MARCHF3: variants seen among roughly 807,000 people sequenced by gnomAD.
The protein encoded by MARCHF3 is membrane associated ring-CH-type finger 3, also known as E3 ubiquitin-protein ligase MARCHF3.
In MARCHF3, 13 loss-of-function variants were observed where a neutral mutation model predicts 24.2. The observed-to-expected ratio is 0.54, with a 90% confidence interval of 0.35 to 0.85. The LOEUF is 0.85. Ranked by LOEUF, MARCHF3 falls within the 40% of genes least tolerant of loss-of-function variation. The pLI is 0.01. For synonymous variants in MARCHF3, 144 were observed against 137.3 expected, an observed-to-expected ratio of 1.05 and a Z score of -0.34; for missense variants, 276 against 325.0, an observed-to-expected ratio of 0.85 and a Z score of 1.16.
At chr5:126,916,875 C>T (rs912432887) in intron 2 of MARCHF3, among the ~76,000 whole-genome samples, 19 of 152,182 alleles carry the variant, frequency 1.2e-4, no homozygotes, top group African/African-American at 4.6e-4. Context: ...CTGCCTCATC[C>T]TGTTCTGAGT....
intron 1 of MARCHF3, among the ~76,000 whole-genome samples, chr5:126,959,793 G>A (rs956161777): frequency 6.6e-6 from 1 of 152,106 alleles, no homozygotes; most frequent in Non-Finnish European, 1.5e-5. Context: ...TCTTAAAGCC[G>A]TAATTACTAT....
chr5:127,021,316 C>T (rs948941097), intron 1 of MARCHF3, among the ~76,000 whole-genome samples: 1 of 152,064 alleles, frequency 6.6e-6, no homozygotes, highest in Non-Finnish European at 1.5e-5. Context: ...TCTAGTGGTT[C>T]ACAACATGCA....
At chr5:126,876,549 A>G (rs1018628185) in intron 4 of MARCHF3, among the ~76,000 whole-genome samples, 1 of 151,310 alleles carries the variant, frequency 6.6e-6, no homozygotes, top group Non-Finnish European at 1.5e-5. Context: ...TGCTGCTTAG[A>G]CTCCTTCATT....
intron 1 of MARCHF3, among the ~76,000 whole-genome samples, chr5:126,929,760 C>A (rs184117987): frequency 2.0e-5 from 3 of 152,120 alleles, no homozygotes; most frequent in Non-Finnish European, 4.4e-5. Context: ...ATAATTCCCA[C>A]GTATTGTGGG....
chr5:126,894,894 C>T (rs1753819645), intron 3 of MARCHF3, among the ~76,000 whole-genome samples: 1 of 151,888 alleles, frequency 6.6e-6, no homozygotes, highest in Admixed American at 6.6e-5. Context: ...GGATAATATC[C>T]TGCAGAGTGT....
chr5:126,962,606 A>G (rs758172626), intron 1 of MARCHF3, among the ~76,000 whole-genome samples: 2 of 152,082 alleles, frequency 1.3e-5, no homozygotes, highest in Non-Finnish European at 2.9e-5. Context: ...ACTTTGTTTC[A>G]TGTGCAAAAT....
At position 126,868,571 on chromosome 5, in the gene MARCHF3, A is replaced by G. The variant is rs1230295976; in HGVS notation, c.*2062T>C. On this transcript the variant is annotated 3_prime_UTR_variant, in exon 5 of 5. Coordinates refer to ENST00000308660, the MANE Select transcript of MARCHF3 (RefSeq NM_178450.5). ...GTCATATCTCATCTCATGAACCAAG[A>G]TGGCAGGAATTCTCTGCAGCCAACC... The G allele has an allele frequency of 3.3e-5, 5 of 152,166 alleles. No homozygotes were observed. Among genetic ancestry groups the G allele is most frequent in the African/African-American group, 1.2e-4 (5 of 41,434 alleles). The allele number at this position is 152,166 out of a possible 1,614,324, so 9.4% of individuals were successfully genotyped here.
chr5:126,983,222 C>T (rs1030186559), intron 1 of MARCHF3, among the ~76,000 whole-genome samples: 1 of 152,196 alleles, frequency 6.6e-6, no homozygotes, highest in Non-Finnish European at 1.5e-5. Flanking sequence ...TTTGGCTTCA[C>T]AAGAATGCTG....
At chr5:127,009,636 T>A (rs538472566) in intron 1 of MARCHF3, among the ~76,000 whole-genome samples, 1 of 152,276 alleles carries the variant, frequency 6.6e-6, no homozygotes, top group South Asian at 2.1e-4. Context: ...CATATGGGAT[T>A]TCCCCTCTTT....
At chr5:127,014,497 T>A (rs1470635721) in intron 1 of MARCHF3, among the ~76,000 whole-genome samples, 1 of 152,140 alleles carries the variant, frequency 6.6e-6, no homozygotes, top group African/African-American at 2.4e-5. Flanking sequence ...TGAAGAGATA[T>A]CTGCAGCCCC....
At chr5:127,015,404 C>T (rs563801309) in intron 1 of MARCHF3, among the ~76,000 whole-genome samples, 3 of 152,166 alleles carry the variant, frequency 2.0e-5, no homozygotes, top group South Asian at 2.1e-4. Flanking sequence ...TTCTTGCCAA[C>T]GTTAAATGAT....
At chr5:126,962,638 T>A (rs1750675726) in intron 1 of MARCHF3, among the ~76,000 whole-genome samples, 1 of 152,042 alleles carries the variant, frequency 6.6e-6, no homozygotes, top group African/African-American at 2.4e-5. Flanking sequence ...TTATATGAAG[T>A]TAATGTCAGG....
chr5:126,911,971 A>G (rs1580633046), intron 3 of MARCHF3, among the ~76,000 whole-genome samples: 2 of 152,348 alleles, frequency 1.3e-5, no homozygotes, highest in Middle Eastern at 6.8e-3. Flanking sequence ...CCTCTTCCAC[A>G]GGGAAGCTCA....
At chr5:126,940,905 G>T (rs1324652932) in intron 1 of MARCHF3, among the ~76,000 whole-genome samples, 1 of 151,908 alleles carries the variant, frequency 6.6e-6, no homozygotes. Context: ...TGGACAATGG[G>T]GTATCCATCC....
intron 4 of MARCHF3, among the ~76,000 whole-genome samples, chr5:126,876,229 T>C (rs1442785224): frequency 6.6e-6 from 1 of 152,216 alleles, no homozygotes; most frequent in Non-Finnish European, 1.5e-5. Context: ...GTGTATGCTT[T>C]ACAAAGCAGG....
chr5:127,008,332 T>C (rs149029399), intron 1 of MARCHF3, among the ~76,000 whole-genome samples: 82 of 152,318 alleles, frequency 5.4e-4, no homozygotes, highest in Non-Finnish European at 1.0e-3. Flanking sequence ...GTTTCTTTCC[T>C]AGTGGCTCCA....
At chr5:127,012,540 C>T (rs913323219) in intron 1 of MARCHF3, among the ~76,000 whole-genome samples, 4 of 152,060 alleles carry the variant, frequency 2.6e-5, no homozygotes. Context: ...GTGAAAATAA[C>T]TTATTAATAA....
intron 4 of MARCHF3, 114 bp from the exon 5 acceptor site, chr5:126,870,905 T>C (rs1752944882): frequency 5.7e-6 from 8 of 1,411,758 alleles, no homozygotes; most frequent in Admixed American, 4.5e-5. Context: ...GGAAGCACTA[T>C]GGCAGGGCAA....
At chr5:126,963,333 T>G (rs1000624728) in intron 1 of MARCHF3, among the ~76,000 whole-genome samples, 12 of 152,126 alleles carry the variant, frequency 7.9e-5, no homozygotes, top group African/African-American at 2.4e-5. Flanking sequence ...ACTAGAGTAA[T>G]TATACATCAT....
Sources: gnomAD v4.1 joint callset for allele counts (sites outside exome capture counted in the v4.1 genomes callset) on GRCh38, gnomAD v4.1.1 for gene constraint, MANE v1.5 for transcripts, NCBI Gene and HGNC (gene_info 2026-07-23, HGNC 2026-07-21) for gene names.